Variants in ZNF169 observed in about 807,000 individuals in gnomAD.
The protein encoded by ZNF169 is zinc finger protein 169.
A neutral mutation model predicts 12.0 loss-of-function variants in ZNF169; 11 were observed. That is an observed-to-expected ratio of 0.92 (90% confidence interval 0.58 to 1.52). The LOEUF (loss-of-function observed/expected upper bound fraction) is 1.52. ZNF169 is among the 40% of genes most tolerant of loss of function. ZNF169 has a pLI of 0.00. For missense variants in ZNF169, 722 were observed against 744.0 expected, an observed-to-expected ratio of 0.97 and a Z score of 0.34; for synonymous variants, 302 against 286.5, an observed-to-expected ratio of 1.05 and a Z score of -0.55.
At chr9:94,295,979 C>G (rs918942828) in intron 4 of ZNF169, 1 of 152,238 alleles carries the variant, frequency 6.6e-6, no homozygotes, top group African/African-American at 2.4e-5. Flanking sequence ...CCAAAGTGGC[C>G]GCACCATTTC....
chr9:94,291,764 A>T (rs1830844137), intron 2 of ZNF169, among the ~76,000 whole-genome samples: 1 of 152,244 alleles, frequency 6.6e-6, no homozygotes, highest in South Asian at 2.1e-4. Context: ...TGTAAATCTA[A>T]CAAAATGTGT....
chr9:94,300,369 T>C lies in ZNF169; in HGVS notation c.811T>C (p.Phe271Leu), dbSNP rs1271320593. Residue 271 changes from phenylalanine to leucine, a missense_variant, in exon 5 of 5, where the codon TTT becomes CTT. Physicochemically the swap from Phe to Leu is conservative, Grantham distance 22 (BLOSUM62 0). Coordinates refer to ENST00000395395, the MANE Select transcript of ZNF169 (RefSeq NM_194320.4). The stretch of plus-strand genomic sequence containing the variant: ...CCTGTGTCCTGAGTGTGGGCGTCGG[T>C]TTAGCCAGAAGGCCTCCCTCTCCAT... The part of the protein sequence containing the change: ...PYLCPECGRR[F>L]SQKASLSIHQ... The C allele has an allele frequency of 1.1e-5, 17 of 1,613,644 alleles. No homozygotes were observed. The highest frequency in any genetic ancestry group is 3.3e-5 in the Admixed American group (2 of 59,968).
At chr9:94,264,217 A>G (rs1830252685) in intron 1 of ZNF169, among the ~76,000 whole-genome samples, 1 of 152,086 alleles carries the variant, frequency 6.6e-6, no homozygotes, top group African/African-American at 2.4e-5. Context: ...GCTCACTGCA[A>G]CTTCTGCCTC....
At chr9:94,271,829 T>C (rs1830429999) in intron 1 of ZNF169, among the ~76,000 whole-genome samples, 1 of 152,166 alleles carries the variant, frequency 6.6e-6, no homozygotes, top group African/African-American at 2.4e-5. Context: ...TTCTATTATT[T>C]TTAAAGGACT....
Position 94,278,752 on chromosome 9 carries a change from C to A in ZNF169, c.-55-6C>A. ...TACCTCTCTCACTTCTCATCTCTTT[C>A]CCCAGATTTGCCTCTGCAACTTGAC... On this transcript the variant is annotated splice_polypyrimidine_tract_variant and splice_region_variant and intron_variant, in intron 1 of 4. Coordinates refer to ENST00000395395, the MANE Select transcript of ZNF169 (RefSeq NM_194320.4). 6.5e-7 allele frequency: 1 copy of A among 1,545,078 alleles called. No homozygotes were observed. Among genetic ancestry groups the A allele is most frequent in the Admixed American group, 1.7e-5 (1 of 59,162 alleles).
chr9:94,268,159 C>T (rs537445160), intron 1 of ZNF169, among the ~76,000 whole-genome samples: 8 of 151,994 alleles, frequency 5.3e-5, no homozygotes, highest in South Asian at 4.2e-4. Context: ...CATGAGCCAC[C>T]GTGTCTAGCC....
At chr9:94,293,728 A>C (rs1156236255) in intron 4 of ZNF169, 2 of 153,044 alleles carry the variant, frequency 1.3e-5, no homozygotes, top group Non-Finnish European at 2.9e-5. Flanking sequence ...GCCAGTTTCT[A>C]TTCTTAACCT....
At chr9:94,292,640 T>TGCGTGC in intron 3 of ZNF169, 173 bp downstream of exon 3, 1 of 740,058 alleles carries the variant, frequency 1.4e-6, no homozygotes, top group East Asian at 2.8e-5. Flanking sequence ...TGTGTGTGTG[T>TGCGTGC]GCGCGTGCAC....
At chr9:94,283,733 A>G (rs1029548334) in intron 2 of ZNF169, among the ~76,000 whole-genome samples, 5 of 152,168 alleles carry the variant, frequency 3.3e-5, no homozygotes, top group African/African-American at 1.2e-4. Context: ...GAAGTCAACA[A>G]TTTTCAACAG....
chr9:94,275,210 T>G (rs1367883670), intron 1 of ZNF169, among the ~76,000 whole-genome samples: 1 of 152,198 alleles, frequency 6.6e-6, no homozygotes, highest in Admixed American at 6.5e-5. Flanking sequence ...GCATCCAGCC[T>G]TGGTGACAAA....
chr9:94,276,124 A>T (rs1454897251), intron 1 of ZNF169, among the ~76,000 whole-genome samples: 1 of 152,078 alleles, frequency 6.6e-6, no homozygotes, highest in Non-Finnish European at 1.5e-5. Flanking sequence ...TGCAGAGAAC[A>T]TCGGTTAGAC....
rs73523869 is a variant in ZNF169, at chr9:94,291,529, G to A, written c.34-812G>A. 6.4e-3 allele frequency among the ~76,000 whole-genome samples: 977 copies of A among 152,182 alleles called. 13 individuals are homozygous for A. The highest frequency in any genetic ancestry group is 0.022 in the African/African-American group (926 of 41,504). ...AGATCATTAACAAAGAAATGAAACT[G>A]TTCCTATTTGCAGAGGACATGATTG... On this transcript the variant is annotated intron_variant, in intron 2 of 4. Coordinates refer to ENST00000395395, the MANE Select transcript of ZNF169 (RefSeq NM_194320.4).
At chr9:94,270,801 T>C (rs1268953715) in intron 1 of ZNF169, among the ~76,000 whole-genome samples, 8 of 25,580 alleles carry the variant, frequency 3.1e-4, no homozygotes, top group African/African-American at 7.7e-4. Flanking sequence ...ATAAATAATA[T>C]ATATATTATA....
chr9:94,279,381 A>T (rs1830583121), intron 2 of ZNF169, among the ~76,000 whole-genome samples: 1 of 151,060 alleles, frequency 6.6e-6, no homozygotes. Context: ...ATAGAGTGAG[A>T]CTCCATCTCA....
At chr9:94,261,440 G>C (rs748040488) in intron 1 of ZNF169, among the ~76,000 whole-genome samples, 1 of 152,192 alleles carries the variant, frequency 6.6e-6, no homozygotes, top group Admixed American at 6.5e-5. Context: ...GCCCGGCCAA[G>C]ACCTACTCTT....
At chr9:94,297,254 G>A (rs367572323) in intron 4 of ZNF169, among the ~76,000 whole-genome samples, 4 of 149,942 alleles carry the variant, frequency 2.7e-5, no homozygotes, top group Admixed American at 1.3e-4. Context: ...CTTACAGTAC[G>A]TGAACACAGT....
chr9:94,285,784 CG>C (rs748630383), intron 2 of ZNF169, among the ~76,000 whole-genome samples: 7 of 151,954 alleles, frequency 4.6e-5, no homozygotes, highest in Non-Finnish European at 1.0e-4. Flanking sequence ...CTGAAGTGGG[CG>C]GGTCACCTGA....
chr9:94,300,471 C>T lies in ZNF169; in HGVS notation c.913C>T (p.Leu305Phe), dbSNP rs779426064. Residue 305 changes from leucine (L) to phenylalanine (F), a missense_variant, in exon 5 of 5, where the codon CTC becomes TTC. Physicochemically the swap from Leu to Phe is conservative, Grantham distance 22. Transcript: ENST00000395395. ...GCGACACTTCAGGTATACATCCTCT[C>T]TCACTAATCACAAGAGGATTCACTC... Reference protein sequence around the residue: ...CGRHFRYTSSLTNHKRIHSGE... With the variant: ...CGRHFRYTSSFTNHKRIHSGE... 5.1e-5 allele frequency: 82 copies of T among 1,614,102 alleles called. No homozygotes were observed. The highest frequency in any genetic ancestry group is 6.9e-5 in the Non-Finnish European group (81 of 1,180,054).
At chr9:94,293,248 G>T (rs1830885752) in intron 4 of ZNF169, 179 bp downstream of exon 4, 1 of 623,084 alleles carries the variant, frequency 1.6e-6, no homozygotes, top group Non-Finnish European at 2.9e-6. Flanking sequence ...CCAGGACAGG[G>T]CACCCCTGGC....
Sources: gnomAD v4.1 joint callset for allele counts (sites outside exome capture counted in the v4.1 genomes callset) on GRCh38, gnomAD v4.1.1 for gene constraint, MANE v1.5 for transcripts, NCBI Gene and HGNC (gene_info 2026-07-23, HGNC 2026-07-21) for gene names.